The following TRIM25 variants were observed in gnomAD, a reference collection of about 807,000 sequenced individuals.
TRIM25 encodes tripartite motif containing 25, also known as E3 ubiquitin/ISG15 ligase TRIM25.
TRIM25 carries 45 observed loss-of-function variants against 65.2 expected under a neutral mutation model. The ratio of observed to expected loss-of-function variants is 0.69; its 90% CI spans 0.54 to 0.89. TRIM25 has a LOEUF of 0.89. Among genes scored for constraint, TRIM25 ranks in the 40% least tolerant of loss-of-function variants. The pLI is 0.00. For synonymous variants in TRIM25, 321 were observed against 340.4 expected, an observed-to-expected ratio of 0.94 and a Z score of 0.63; for missense variants, 714 against 803.7, an observed-to-expected ratio of 0.89 and a Z score of 1.35.
At chr17:56,897,391 C>T (rs987014219) in intron 5 of TRIM25, among the ~76,000 whole-genome samples, 1 of 152,044 alleles carries the variant, frequency 6.6e-6, no homozygotes, top group African/African-American at 2.4e-5. Flanking sequence ...CCCCCAGACC[C>T]CCATCACACC....
intron 5 of TRIM25, among the ~76,000 whole-genome samples, chr17:56,896,592 C>T (rs1320779402): frequency 6.6e-6 from 1 of 151,808 alleles, no homozygotes; most frequent in African/African-American, 2.4e-5. Flanking sequence ...TTGCTTGAGC[C>T]CAGGAGGATG....
At chr17:56,908,037 G>A (rs772612911) in intron 2 of TRIM25, among the ~76,000 whole-genome samples, 1 of 152,120 alleles carries the variant, frequency 6.6e-6, no homozygotes. Flanking sequence ...TGGACTTCTG[G>A]CCTCCAGAAC....
At position 56,891,550 on chromosome 17, in the gene TRIM25, T is replaced by TCCCCCCCCCCACCCCCCCC; in HGVS notation, c.*149_*150insGGGGGGGGTGGGGGGGGGG. The TCCCCCCCCCCACCCCCCCC allele has an allele frequency of 1.7e-6, 1 of 572,756 alleles. No individual in the cohort carries two copies. Among genetic ancestry groups the TCCCCCCCCCCACCCCCCCC allele is most frequent in the South Asian group, 2.0e-5 (1 of 50,532 alleles). 35.5% of individuals were successfully genotyped at this position (572,756 alleles called of 1,614,324 possible). Reference sequence around the variant, plus strand: ...CACTCTCACCCCTTTCCTGGCTAAATCCCACCTCCCACCCTCCCGCCAGCT... The same window carrying TCCCCCCCCCCACCCCCCCC: ...CACTCTCACCCCTTTCCTGGCTAAATCCCCCCCCCCACCCCCCCCCCCACCTCCCACCCTCCCGCCAGCT... On this transcript the variant is annotated 3_prime_UTR_variant, in exon 9 of 9. Transcript: ENST00000316881.
rs1909158871 is a variant in TRIM25 at position 56,891,013 on chromosome 17, T to C, written c.*687A>G. 4.7e-6 allele frequency: 2 copies of C among 422,644 alleles called. No homozygotes were observed. Among genetic ancestry groups the C allele is most frequent in the Admixed American group, 5.2e-5 (2 of 38,300 alleles). The allele number at this position is 422,644 out of a possible 1,614,324, so 26.2% of individuals were successfully genotyped here. ...CAACACAGGCTGATTCCAATCATGG[T>C]TTGAAGCTTTAGCTGAAAAGTTTGC... On this transcript the variant is annotated 3_prime_UTR_variant, in exon 9 of 9. Coordinates refer to ENST00000316881, the MANE Select transcript of TRIM25 (RefSeq NM_005082.5).
At chr17:56,902,711 A>T (rs896155643) in intron 3 of TRIM25, among the ~76,000 whole-genome samples, 10 of 152,228 alleles carry the variant, frequency 6.6e-5, no homozygotes, top group African/African-American at 2.4e-4. Flanking sequence ...GGCCAGAAAC[A>T]GCAGGGGGCC....
At chr17:56,903,055 T>C (rs1312942166) in intron 3 of TRIM25, among the ~76,000 whole-genome samples, 2 of 152,238 alleles carry the variant, frequency 1.3e-5, no homozygotes, top group East Asian at 3.8e-4. Context: ...GCTGGTGCCA[T>C]GCTTGTACAA....
rs749229572 is a variant in TRIM25 at position 56,908,519 on chromosome 17, G to A, written c.642C>T (p.Asn214=). The A allele has an allele frequency of 3.2e-5, 52 of 1,613,898 alleles. No homozygotes were observed. Among genetic ancestry groups the A allele is most frequent in the South Asian group, 9.9e-5 (9 of 91,092 alleles). Residue 214 remains asparagine, a synonymous_variant, in exon 2 of 9, where the codon AAC becomes AAT. Transcript: ENST00000316881. ...HKLTVMYSQI[N]GASRALDDVR... is the part of the protein sequence containing the mutation. ...CATCATCCAGTGCTCTCGACGCCCC[G>A]TTGATCTGACTGTACATGACAGTTA...
rs761522141 is a variant in TRIM25, at chr17:56,913,711, G to T, written c.278C>A (p.Pro93His). The T allele has an allele frequency of 6.4e-7, 1 of 1,569,198 alleles. No individual in the cohort carries two copies. Among genetic ancestry groups the T allele is most frequent in the Non-Finnish European group, 8.6e-7 (1 of 1,157,676 alleles). Residue 93 changes from proline (P) to histidine (H), a missense_variant, in exon 1 of 9, where the codon CCC becomes CAC. By Grantham distance (77) the Pro-to-His change is moderately conservative (BLOSUM62 -2). Transcript: ENST00000316881. This position sits in a 1 kb window ranked among gnomAD's most constrained non-coding sequence, Gnocchi z 6.1. Reference sequence around the variant, plus strand: ...CGGGCTGGGTGCAGAGGCGCGGGCGGGCGGCGTCCAGACGTCGGCGGGTGG... The same window carrying T: ...CGGGCTGGGTGCAGAGGCGCGGGCGTGCGGCGTCCAGACGTCGGCGGGTGG... ...REPPADVWTPPARASAPSPNA... is the reference protein window; with the variant it reads ...REPPADVWTPHARASAPSPNA...
Position 56,895,557 on chromosome 17 carries a change from C to A in TRIM25, c.1228G>T (p.Glu410Ter). The stretch of plus-strand genomic sequence containing the variant: ...GCTTGTTTTAAATCCACTAACTGTT[C>A]CGGGGCTCCAAACGTGGGAAGCTTG... Reference protein sequence around the residue: ...PSKLPTFGAPEQLVDLKQAGL... With the variant: ...PSKLPTFGAP The change falls in exon 7 of 9, where the codon GAA becomes TAA. Residue 410 changes from glutamate (E) to a stop codon, truncating the protein, a stop_gained. Transcript: ENST00000316881. LOFTEE classifies it high-confidence loss of function. The A allele has an allele frequency of 6.3e-7, 1 of 1,589,846 alleles. No individual in the cohort carries two copies. Among genetic ancestry groups the A allele is most frequent in the Non-Finnish European group, 8.6e-7 (1 of 1,165,690 alleles).
At chr17:56,906,218 A>AG (rs11393118) in intron 2 of TRIM25, among the ~76,000 whole-genome samples, 119,713 of 152,168 alleles carry the variant, frequency 0.79, 47,562 homozygotes, top group African/African-American at 0.89. Context: ...TTCTTATCAC[A>AG]GGGTTTGACC....
At position 56,904,494 on chromosome 17, in the gene TRIM25, A is replaced by G. The variant is rs2144358860; in HGVS notation, c.694-6T>C. On this transcript the variant is annotated splice_polypyrimidine_tract_variant and splice_region_variant and intron_variant, in intron 2 of 8. Coordinates refer to ENST00000316881, the MANE Select transcript of TRIM25 (RefSeq NM_005082.5). The stretch of plus-strand genomic sequence containing the variant: ...ACCTTTCTGTTTGCAGTCATCTGAG[A>G]GGGCCAAGGTAAGAGGATGCCCGTC... 4 of 1,613,840 alleles carry G rather than the reference A, an allele frequency of 2.5e-6. No individual in the cohort carries two copies. The highest frequency in any genetic ancestry group is 1.1e-5 in the South Asian group (1 of 91,076).
At position 56,901,408 on chromosome 17, in the gene TRIM25, G is replaced by A; in HGVS notation, c.1087+11C>T. 6.2e-7 allele frequency: 1 copy of A among 1,613,304 alleles called. No individual in the cohort carries two copies. Among genetic ancestry groups the A allele is most frequent in the Non-Finnish European group, 8.5e-7 (1 of 1,179,834 alleles). On this transcript the variant is annotated intron_variant, in intron 4 of 8. Coordinates refer to ENST00000316881, the MANE Select transcript of TRIM25 (RefSeq NM_005082.5). The stretch of plus-strand genomic sequence containing the variant: ...TCCACAGGGGGCAGCATAGGGGGCT[G>A]CTAAGGTCACCTGAACTGGGGGTGG...
Position 56,891,336 on chromosome 17 carries a change from A to G in TRIM25, c.*364T>C, listed in dbSNP as rs1909164654. 8 of 323,408 alleles carry G rather than the reference A, an allele frequency of 2.5e-5. No individual in the cohort carries two copies. Among genetic ancestry groups the G allele is most frequent in the Non-Finnish European group, 4.7e-5 (8 of 169,318 alleles). 20.0% of individuals were successfully genotyped at this position (323,408 alleles called of 1,614,324 possible). On this transcript the variant is annotated 3_prime_UTR_variant, in exon 9 of 9. Coordinates refer to ENST00000316881, the MANE Select transcript of TRIM25 (RefSeq NM_005082.5). ...GAGCAAAGGGGCAGCCTTCAGATCC[A>G]AGTGGCCCAAGACAGAACCTACAGT... is the stretch of plus-strand genomic sequence containing the variant.
At chr17:56,912,677 A>AT (rs1331956904) in intron 1 of TRIM25, 3 of 152,310 alleles carry the variant, frequency 2.0e-5, no homozygotes, top group Admixed American at 2.0e-4. Flanking sequence ...CTGCGTGGCT[A>AT]TTTACTGCAT....
chr17:56,891,502 C>T lies in TRIM25; in HGVS notation c.*198G>A, dbSNP rs542648283. Reference sequence around the variant, plus strand: ...CCTGATAGGCACCAGGGGGTGGAAACGCCTCCTCGCCCACAACACAATCAC... The same window carrying T: ...CCTGATAGGCACCAGGGGGTGGAAATGCCTCCTCGCCCACAACACAATCAC... On this transcript the variant is annotated 3_prime_UTR_variant, in exon 9 of 9. Transcript: ENST00000316881. The T allele has an allele frequency of 1.2e-5, 8 of 688,442 alleles. No individual in the cohort carries two copies. Among genetic ancestry groups the T allele is most frequent in the African/African-American group, 5.4e-5 (3 of 55,490 alleles). The allele number at this position is 688,442 out of a possible 1,614,324, so 42.6% of individuals were successfully genotyped here. A position where few individuals can be genotyped will look rare whatever the true frequency, so the allele number is the denominator to read the frequency against.
At position 56,913,472 on chromosome 17, in the gene TRIM25, C is replaced by T; in HGVS notation, c.517G>A (p.Glu173Lys). ...ACCAGGCAGATGTGGCAGATGCACT[C>T]GCTGTGCTCGGGGCAGAAAAATTCC... is the stretch of plus-strand genomic sequence containing the variant. ...LREFFCPEHS[E>K]CICHICLVEH... The change falls in exon 1 of 9, where the codon GAG (glutamate) becomes AAG (lysine). Residue 173 changes from glutamate to lysine, a missense_variant. Physicochemically the swap from Glu to Lys is moderately conservative, Grantham distance 56 (BLOSUM62 1). Transcript: ENST00000316881. The surrounding 1 kb of genome is among the most constrained non-coding windows in gnomAD (Gnocchi z 6.1). The T allele has an allele frequency of 6.2e-7, 1 of 1,612,592 alleles. No homozygotes were observed. Among genetic ancestry groups the T allele is most frequent in the Non-Finnish European group, 8.5e-7 (1 of 1,179,102 alleles).
Position 56,895,448 on chromosome 17 carries a change from G to T in TRIM25, c.1265-7C>A, listed in dbSNP as rs1909272513. 6.2e-7 allele frequency: 1 copy of T among 1,614,152 alleles called. No individual in the cohort carries two copies. Among genetic ancestry groups the T allele is most frequent in the East Asian group, 2.2e-5 (1 of 44,888 alleles). On this transcript the variant is annotated splice_polypyrimidine_tract_variant and splice_region_variant and intron_variant, in intron 7 of 8. Transcript: ENST00000316881. ...CTGGTGGCTTTGGCTGCAGCTGGGA[G>T]AGGAAACAGAGAGTGATTTGCAGAA...
chr17:56,913,905 G>A lies in TRIM25; in HGVS notation c.84C>T (p.Cys28=). ...GGCACGACCCGCAGAAGTTGTGGCC[G>A]CACGGAGTGGTGACCGGCTCCTTGA... ...EPFKEPVTTP[C]GHNFCGSCLN... The change falls in exon 1 of 9, where the codon TGC becomes TGT. Residue 28 remains cysteine, a synonymous_variant. Coordinates refer to ENST00000316881, the MANE Select transcript of TRIM25 (RefSeq NM_005082.5). The surrounding 1 kb of genome is among the most constrained non-coding windows in gnomAD (Gnocchi z 6.1). 1.9e-6 allele frequency: 3 copies of A among 1,569,642 alleles called. No individual in the cohort carries two copies. The highest frequency in any genetic ancestry group is 1.9e-5 in the Admixed American group (1 of 52,824).
chr17:56,899,156 G>A lies in TRIM25; in HGVS notation c.1112C>T (p.Ala371Val), dbSNP rs371726962. ...SSGDPGEHDP[A>V]STHKSTRPVK... is the part of the protein sequence containing the mutation. ...AGGGCGTGTGGATTTGTGTGTGGAC[G>A]CTGGGTCATGCTCTCCAGGGTCACC... Residue 371 changes from alanine to valine, a missense_variant, in exon 5 of 9, where the codon GCG becomes GTG. Ala to Val is a moderately conservative substitution (Grantham distance 64, BLOSUM62 0). Coordinates refer to ENST00000316881, the MANE Select transcript of TRIM25 (RefSeq NM_005082.5). 29 of 1,614,036 alleles carry A rather than the reference G, an allele frequency of 1.8e-5. No homozygotes were observed. The highest frequency in any genetic ancestry group is 3.3e-5 in the Admixed American group (2 of 60,020).
Sources: gnomAD v4.1 joint callset for allele counts (sites outside exome capture counted in the v4.1 genomes callset) on GRCh38, gnomAD v4.1.1 for gene constraint, Gnocchi (gnomAD v3.1) non-coding constraint, MANE v1.5 for transcripts, NCBI Gene and HGNC (gene_info 2026-07-23, HGNC 2026-07-21) for gene names.